Variants in ME2 observed in about 807,000 individuals in gnomAD.
ME2 encodes the protein malic enzyme 2.
In ME2, 60 loss-of-function variants were observed where a neutral mutation model predicts 73.7. The observed-to-expected ratio is 0.81, with a 90% confidence interval of 0.66 to 1.01. The LOEUF (loss-of-function observed/expected upper bound fraction) is 1.01, where lower values mean the gene tolerates loss of function less well. Among genes scored for constraint, ME2 ranks in the 50% least tolerant of loss-of-function variants. ME2 has a pLI of 0.00. For missense variants in ME2, 594 were observed against 705.5 expected (o/e 0.84, Z 1.79); for synonymous variants, 199 against 236.9 (o/e 0.84, Z 1.47).
At chr18:50,895,226 A>G (rs1303421230) in intron 1 of ME2, among the ~76,000 whole-genome samples, 1 of 145,742 alleles carries the variant, frequency 6.9e-6, no homozygotes, top group Non-Finnish European at 1.5e-5. Context: ...ATTATTTTAT[A>G]CATTATTTTA....
At chr18:50,928,459 C>T (rs1039484848) in intron 12 of ME2, among the ~76,000 whole-genome samples, 1 of 150,004 alleles carries the variant, frequency 6.7e-6, no homozygotes, top group African/African-American at 2.5e-5. Context: ...AGGATGGTCT[C>T]GATTTCCTGA....
intron 2 of ME2, among the ~76,000 whole-genome samples, chr18:50,897,582 C>T (rs995716336): frequency 2.6e-5 from 4 of 151,956 alleles, no homozygotes; most frequent in African/African-American, 4.8e-5. Flanking sequence ...AAAATTAGGC[C>T]GGACATGGTG....
In ME2 at chr18:50,927,482, C is replaced by T. The variant is rs181764635; in HGVS notation, c.1314+1584C>T. ...TTGGGAGGCTGAGGTGGGCAGATCA[C>T]GAGGTCAGGAGATCGAGACCATCCT... On this transcript the variant is annotated intron_variant, in intron 12 of 15. Transcript: ENST00000321341. Among the ~76,000 whole-genome samples the T allele has an allele frequency of 3.2e-3, 492 of 151,780 alleles. 2 individuals carry two copies. The highest frequency in any genetic ancestry group is 3.3e-3 in the Non-Finnish European group (221 of 67,954).
At chr18:50,884,120 T>G (rs578007539) in intron 1 of ME2, among the ~76,000 whole-genome samples, 2 of 152,268 alleles carry the variant, frequency 1.3e-5, no homozygotes, top group Admixed American at 6.5e-5. Flanking sequence ...GTTTTTTTCC[T>G]TAAGTTTTTT....
rs537827689 is a variant in ME2, at chr18:50,921,702, G to T, written c.1056+515G>T. 1.4e-4 allele frequency among the ~76,000 whole-genome samples: 21 copies of T among 152,102 alleles called. No individual in the cohort carries two copies. In the South Asian group the frequency reaches 4.4e-3, roughly 32 times the overall value. On this transcript the variant is annotated intron_variant, in intron 10 of 15. Transcript: ENST00000321341. ...AGCAATTCTCCTGCCTGAGCCTCCC[G>T]AGGCTACCGTGCCTGGCCGTGAGCA...
At chr18:50,883,525 G>A (rs1599080315) in intron 1 of ME2, among the ~76,000 whole-genome samples, 1 of 152,182 alleles carries the variant, frequency 6.6e-6, no homozygotes, top group Non-Finnish European at 1.5e-5. Flanking sequence ...GGGCAAGGCA[G>A]TGACCATACC....
chr18:50,934,804 T>A (rs1378472341), intron 13 of ME2: 2 of 152,178 alleles, frequency 1.3e-5, no homozygotes, highest in Non-Finnish European at 2.9e-5. Flanking sequence ...AAATTTTTTT[T>A]AAGACTTTAA....
Position 50,940,370 on chromosome 18 carries a change from T to C in ME2, c.1571T>C (p.Ile524Thr). Residue 524 changes from isoleucine (I) to threonine (T), a missense_variant, in exon 15 of 16, where the codon ATT (isoleucine) becomes ACT (threonine). By Grantham distance (89) the Ile-to-Thr change is moderately conservative. Coordinates refer to ENST00000321341, the MANE Select transcript of ME2 (RefSeq NM_002396.5). The part of the protein sequence containing the change: ...PPLANIQEVS[I>T]NIAIKVTEYL... ...CTTGCTAATATTCAGGAAGTTTCTATTAACATTGCTATTAAAGTAAGTAAT... is the reference window on the plus strand; with the variant it reads ...CTTGCTAATATTCAGGAAGTTTCTACTAACATTGCTATTAAAGTAAGTAAT... 2 of 1,597,728 alleles carry C rather than the reference T, an allele frequency of 1.3e-6. No individual in the cohort carries two copies. The highest frequency in any genetic ancestry group is 8.5e-7 in the Non-Finnish European group (1 of 1,169,914).
rs937613850 is a variant in ME2 at position 50,913,134 on chromosome 18, A to G, written c.392+184A>G. The stretch of plus-strand genomic sequence containing the variant: ...ACATATTCATAACTTTTATCTTTGT[A>G]AAAATAGCATAATTCATTTCTAATC... On this transcript the variant is annotated intron_variant, in intron 4 of 15. Transcript: ENST00000321341. 2.7e-5 allele frequency: 12 copies of G among 442,902 alleles called. No homozygotes were observed. In the South Asian group the frequency reaches 3.8e-4, roughly 14 times the overall value. 27.4% of individuals were successfully genotyped at this position (442,902 alleles called of 1,614,324 possible).
At chr18:50,946,950 A>T in intron 15 of ME2, 67 bp from the exon 16 acceptor site, 1 of 1,132,824 alleles carries the variant, frequency 8.8e-7, no homozygotes, top group Non-Finnish European at 1.3e-6. Flanking sequence ...CCTGTGTTAT[A>T]ATAGTACGTT....
intron 1 of ME2, among the ~76,000 whole-genome samples, chr18:50,886,906 G>T (rs1916486793): frequency 6.6e-6 from 1 of 152,152 alleles, no homozygotes; most frequent in South Asian, 2.1e-4. Flanking sequence ...GGAGGCTGAG[G>T]CAGGAGAATC....
chr18:50,926,468 C>T (rs962509825), intron 12 of ME2, among the ~76,000 whole-genome samples: 6 of 152,158 alleles, frequency 3.9e-5, no homozygotes, highest in African/African-American at 9.6e-5. Flanking sequence ...TTGACTATGG[C>T]GGACATATGC....
At chr18:50,918,269 A>G in intron 7 of ME2, 56 bp downstream of exon 7, 13 of 1,156,532 alleles carry the variant, frequency 1.1e-5, no homozygotes, top group Non-Finnish European at 1.5e-5. Context: ...GGGTGGGGTA[A>G]GAACCAAAGT....
chr18:50,896,733 C>T (rs549909552), intron 2 of ME2, among the ~76,000 whole-genome samples: 2 of 152,170 alleles, frequency 1.3e-5, no homozygotes, highest in East Asian at 3.9e-4. Context: ...ACTTGCCAGT[C>T]CCGTTTGTTT....
chr18:50,892,054 CA>C (rs1916617279), intron 1 of ME2, among the ~76,000 whole-genome samples: 1 of 151,804 alleles, frequency 6.6e-6, no homozygotes, highest in South Asian at 2.1e-4. Context: ...CTGCTGAACT[CA>C]AACAATCTGC....
Position 50,942,710 on chromosome 18 carries a change from T to A in ME2, c.1587+2324T>A, listed in dbSNP as rs1018245. ...TTTTTTCTTTCCAAGTATCTTCTCA[T>A]TGATCATTTCTAATATATAGGAAAA... On this transcript the variant is annotated intron_variant, in intron 15 of 15. Transcript: ENST00000321341. 1,773 of 297,156 alleles carry A rather than the reference T, an allele frequency of 6.0e-3. 9 individuals carry two copies. The highest frequency in any genetic ancestry group is 8.1e-3 in the Middle Eastern group (9 of 1,108). 18.4% of individuals were successfully genotyped at this position (297,156 alleles called of 1,614,324 possible).
intron 13 of ME2, among the ~76,000 whole-genome samples, chr18:50,938,507 A>G (rs919768124): frequency 6.6e-6 from 1 of 152,220 alleles, no homozygotes; most frequent in Non-Finnish European, 1.5e-5. Context: ...AAACCTAGAC[A>G]AACTATCAAA....
intron 2 of ME2, among the ~76,000 whole-genome samples, chr18:50,901,142 T>G (rs1916879537): frequency 6.6e-6 from 1 of 152,224 alleles, no homozygotes; most frequent in Non-Finnish European, 1.5e-5. Context: ...AATTAACACA[T>G]TTTCAGAAGT....
intron 1 of ME2, among the ~76,000 whole-genome samples, chr18:50,881,288 C>T (rs1301149405): frequency 1.3e-5 from 2 of 152,074 alleles, no homozygotes; most frequent in Non-Finnish European, 2.9e-5. Flanking sequence ...CCACCTCCTT[C>T]GGCCTCCCAA....
Sources: allele counts gnomAD v4.1 joint callset (sites outside exome capture counted in the v4.1 genomes callset), GRCh38; gene constraint gnomAD v4.1.1; transcripts MANE v1.5; gene names NCBI Gene and HGNC (gene_info 2026-07-23, HGNC 2026-07-21).